SHISA9: variants seen among roughly 807,000 people sequenced by gnomAD.
SHISA9 encodes protein shisa-9.
In SHISA9, 13 loss-of-function variants were observed where a neutral mutation model predicts 38.0. That is an observed-to-expected ratio of 0.34 (90% CI 0.22 to 0.54). The LOEUF is 0.54. Ranked by LOEUF, SHISA9 falls within the 20% of genes least tolerant of loss-of-function variation. The pLI is 0.91. For synonymous variants in SHISA9, 275 were observed against 242.0 expected, an observed-to-expected ratio of 1.14 and a Z score of -1.27; for missense variants, 538 against 575.8, an observed-to-expected ratio of 0.93 and a Z score of 0.67.
the SHISA9 span, among the ~76,000 whole-genome samples, chr16:13,366,234 G>A: frequency 2.0e-5 from 3 of 152,082 alleles, no homozygotes; most frequent in Non-Finnish European, 2.9e-5. Flanking sequence ...ATTACTCAAC[G>A]GTTAATGCTT....
intron 2 of SHISA9, among the ~76,000 whole-genome samples, chr16:13,068,141 A>G (rs1161303739): frequency 1.3e-5 from 2 of 152,112 alleles, no homozygotes; most frequent in Non-Finnish European, 2.9e-5. Flanking sequence ...TCCTAGGACA[A>G]CCTTCCTGTG....
chr16:12,905,644 T>A (rs553127983), intron 1 of SHISA9, among the ~76,000 whole-genome samples: 10 of 150,848 alleles, frequency 6.6e-5, no homozygotes, highest in Middle Eastern at 7.0e-3. Flanking sequence ...CAGGCTGGAG[T>A]GCAGTGGCAG....
At chr16:13,191,707 G>T (rs745713094) in intron 2 of SHISA9, among the ~76,000 whole-genome samples, 1 of 152,150 alleles carries the variant, frequency 6.6e-6, no homozygotes, top group South Asian at 2.1e-4. Flanking sequence ...GTCCTGGATC[G>T]TGCTGTCTGT....
chr16:13,013,767 G>A (rs974332879), intron 2 of SHISA9, among the ~76,000 whole-genome samples: 5 of 151,610 alleles, frequency 3.3e-5, no homozygotes, highest in East Asian at 3.9e-4. Context: ...TCGCTCTGTC[G>A]CCCAGGCTGG....
intron 2 of SHISA9, among the ~76,000 whole-genome samples, chr16:12,957,573 A>T (rs1443738542): frequency 4.6e-5 from 7 of 152,164 alleles, no homozygotes; most frequent in Non-Finnish European, 7.3e-5. Context: ...TTATGACATC[A>T]TCTAATCCTA....
At chr16:13,338,373 C>G in the SHISA9 span, among the ~76,000 whole-genome samples, 1 of 152,128 alleles carries the variant, frequency 6.6e-6, no homozygotes, top group Non-Finnish European at 1.5e-5. Flanking sequence ...AGGACCTCAG[C>G]GTCATTCATG....
At chr16:13,130,927 C>T (rs2050301065) in intron 2 of SHISA9, among the ~76,000 whole-genome samples, 1 of 152,166 alleles carries the variant, frequency 6.6e-6, no homozygotes, top group Admixed American at 6.5e-5. Flanking sequence ...CAACTCACAC[C>T]AGTCAGAATG....
At chr16:13,204,036 A>G (rs906145669) in intron 3 of SHISA9, among the ~76,000 whole-genome samples, 2 of 151,752 alleles carry the variant, frequency 1.3e-5, no homozygotes, top group Non-Finnish European at 2.9e-5. Flanking sequence ...TTATCTATCT[A>G]TCATCCATCC....
At chr16:13,026,326 T>G (rs1309656241) in intron 2 of SHISA9, among the ~76,000 whole-genome samples, 1 of 152,250 alleles carries the variant, frequency 6.6e-6, no homozygotes, top group African/African-American at 2.4e-5. Context: ...TCATGCAGCA[T>G]TTGTCCCTTT....
At chr16:13,123,547 G>T (rs907758294) in intron 2 of SHISA9, among the ~76,000 whole-genome samples, 1 of 152,236 alleles carries the variant, frequency 6.6e-6, no homozygotes, top group African/African-American at 2.4e-5. Flanking sequence ...ATACTGAATG[G>T]CACAGATAAG....
At chr16:13,508,667 A>G in the SHISA9 span, among the ~76,000 whole-genome samples, 4 of 152,220 alleles carry the variant, frequency 2.6e-5, no homozygotes, top group African/African-American at 9.6e-5. Flanking sequence ...AGATTTCAAA[A>G]TCCATTAAGC....
At chr16:13,001,169 C>T (rs1596575443) in intron 2 of SHISA9, among the ~76,000 whole-genome samples, 1 of 152,264 alleles carries the variant, frequency 6.6e-6, no homozygotes, top group Non-Finnish European at 1.5e-5. Context: ...ATCAGGTGAT[C>T]TGCCCGCCTT....
chr16:13,540,193 C>CCACACACACACACACACACACACACACA, the SHISA9 span, among the ~76,000 whole-genome samples: 1 of 149,630 alleles, frequency 6.7e-6, no homozygotes, highest in East Asian at 2.0e-4. Flanking sequence ...GCATACATGC[C>CCACACACACACACACACACACACACACA]CACACACACA....
chr16:13,471,186 G>C, the SHISA9 span, among the ~76,000 whole-genome samples: 163 of 152,164 alleles, frequency 1.1e-3, no homozygotes, highest in African/African-American at 3.7e-3. Flanking sequence ...AGCTGATGGA[G>C]AGAAAACACA....
chr16:13,351,770 T>C, the SHISA9 span, among the ~76,000 whole-genome samples: 1 of 152,244 alleles, frequency 6.6e-6, no homozygotes, highest in Non-Finnish European at 1.5e-5. Flanking sequence ...ATTTCAGGTT[T>C]ATATTTTGAA....
chr16:13,274,023 G>GA, the SHISA9 span, among the ~76,000 whole-genome samples: 6 of 152,000 alleles, frequency 3.9e-5, no homozygotes, highest in Admixed American at 6.6e-5. Context: ...GTGTGACCTT[G>GA]AAAAAAATCA....
intron 2 of SHISA9, among the ~76,000 whole-genome samples, chr16:13,137,370 C>T (rs1472318758): frequency 6.6e-6 from 1 of 152,114 alleles, no homozygotes; most frequent in Non-Finnish European, 1.5e-5. Context: ...AAGATCAACT[C>T]ACTTATTACA....
At chr16:13,416,714 AAG>A in the SHISA9 span, among the ~76,000 whole-genome samples, 1 of 150,032 alleles carries the variant, frequency 6.7e-6, no homozygotes, top group African/African-American at 2.5e-5. Flanking sequence ...AAAAAGAAGA[AAG>A]AGAAAGAAAG....
chr16:13,367,712 G>GCACACACACACACA, the SHISA9 span, among the ~76,000 whole-genome samples: 13 of 104,688 alleles, frequency 1.2e-4, no homozygotes, highest in East Asian at 1.7e-3. Flanking sequence ...GCGCGCGCGC[G>GCACACACACACACA]CACACACACA....
Sources: allele counts gnomAD v4.1 joint callset (sites outside exome capture counted in the v4.1 genomes callset), GRCh38; gene constraint gnomAD v4.1.1; transcripts MANE v1.5; gene names NCBI Gene and HGNC (gene_info 2026-07-23, HGNC 2026-07-21).